Variants in LYST observed in about 807,000 individuals in gnomAD.
The protein encoded by LYST is lysosomal trafficking regulator.
Under a neutral mutation model 413.6 loss-of-function variants are expected in LYST, and 192 were observed. The observed-to-expected ratio is 0.46, with a 90% CI of 0.41 to 0.52. LYST has a LOEUF of 0.52. LYST is among the 20% of genes least tolerant of loss of function. LYST has a pLI of 0.00. For synonymous variants in LYST, 1,525 were observed against 1,567.3 expected (o/e 0.97, Z 0.64); for missense variants, 3,815 against 4,499.9 (o/e 0.85, Z 4.35).
At chr1:235,709,710 C>T (rs1468552380) in intron 43 of LYST, among the ~76,000 whole-genome samples, 1 of 150,072 alleles carries the variant, frequency 6.7e-6, no homozygotes, top group Non-Finnish European at 1.5e-5. Context: ...CATTTCTAAA[C>T]TATTGGTATT....
upstream of LYST, among the ~76,000 whole-genome samples, chr1:235,867,415 C>T (rs1358830189): frequency 2.0e-5 from 3 of 152,178 alleles, no homozygotes; most frequent in Admixed American, 2.0e-4. Context: ...ACAAGGCACC[C>T]CTAGCCTTCC....
intron 30 of LYST, 140 bp from the exon 31 acceptor site, chr1:235,741,768 T>C (rs1421620695): frequency 8.7e-6 from 6 of 692,530 alleles, no homozygotes; most frequent in Admixed American, 2.1e-5. Flanking sequence ...GAAAGAGATA[T>C]ACATATCCAT....
At chr1:235,861,990 C>G (rs951852118) in intron 1 of LYST, among the ~76,000 whole-genome samples, 2 of 152,144 alleles carry the variant, frequency 1.3e-5, no homozygotes, top group East Asian at 3.8e-4. Context: ...TATAGGAGGT[C>G]ACTGGTTTAG....
chr1:235,842,989 T>C (rs1415499917), intron 1 of LYST, among the ~76,000 whole-genome samples: 3 of 152,180 alleles, frequency 2.0e-5, no homozygotes, highest in African/African-American at 4.8e-5. Context: ...ACATATATTC[T>C]TCACTTTTAG....
chr1:235,734,345 T>C, intron 32 of LYST, 138 bp downstream of exon 32: 8 of 751,830 alleles, frequency 1.1e-5, no homozygotes, highest in African/African-American at 1.7e-5. Context: ...AAAAGCAATA[T>C]AGTATATAGG....
chr1:235,698,377 C>T (rs927512528), intron 45 of LYST, among the ~76,000 whole-genome samples: 7 of 152,224 alleles, frequency 4.6e-5, no homozygotes, highest in African/African-American at 1.7e-4. Context: ...TCTAATAATT[C>T]TGTCAGACTA....
At chr1:235,831,244 C>T (rs1675938377) in intron 2 of LYST, among the ~76,000 whole-genome samples, 1 of 152,216 alleles carries the variant, frequency 6.6e-6, no homozygotes. Context: ...GCCCTCCCCA[C>T]AGTCCCTGCT....
chr1:235,783,627 A>G (rs905825199), intron 14 of LYST, among the ~76,000 whole-genome samples: 4 of 152,174 alleles, frequency 2.6e-5, no homozygotes, highest in Non-Finnish European at 5.9e-5. Flanking sequence ...CTGCACATGT[A>G]TCCCAGAACT....
At chr1:235,792,619 T>C (rs575239134) in intron 11 of LYST, among the ~76,000 whole-genome samples, 56 of 150,752 alleles carry the variant, frequency 3.7e-4, no homozygotes, top group Non-Finnish European at 6.5e-4. Flanking sequence ...CCAGCCTTCA[T>C]TCTTAAAATA....
rs534683575 is a variant in LYST, at chr1:235,855,132, T to C, written c.-98+11711A>G. Among the ~76,000 whole-genome samples, 691 of 152,320 alleles carry C rather than the reference T, an allele frequency of 4.5e-3. 2 individuals carry two copies. The highest frequency in any genetic ancestry group is 0.014 in the Middle Eastern group (4 of 294). ...AATTAATTACTTTTCCATATGCCTC[T>C]ATCTTATCACTCACCACACTGTACT... On this transcript the variant is annotated intron_variant, in intron 1 of 52. Coordinates refer to ENST00000389793, the MANE Select transcript of LYST (RefSeq NM_000081.4).
At chr1:235,708,444 G>T (rs1662156409) in intron 44 of LYST, among the ~76,000 whole-genome samples, 2 of 152,272 alleles carry the variant, frequency 1.3e-5, no homozygotes, top group South Asian at 4.1e-4. Flanking sequence ...GTTGGCTCTT[G>T]GCTGTTGTCT....
chr1:235,806,369 A>G lies in LYST; in HGVS notation c.2767T>C (p.Ser923Pro), dbSNP rs760581656. 1.9e-6 allele frequency: 3 copies of G among 1,613,914 alleles called. No individual in the cohort carries two copies. The South Asian group carries it at 3.3e-5, about 18-fold the overall frequency. Residue 923 changes from serine to proline, a missense_variant, in exon 6 of 53, where the codon TCA (serine) becomes CCA (proline). Physicochemically the swap from Ser to Pro is moderately conservative, Grantham distance 74 (BLOSUM62 -1). Around this residue, in one of 4 missense-constraint regions of LYST, gnomAD observed 1,648 missense variants for 1,810.3 expected, o/e 0.91. Coordinates refer to ENST00000389793, the MANE Select transcript of LYST (RefSeq NM_000081.4). The part of the protein sequence containing the change: ...AESDRESAND[S>P]EDTSGYDSTA... Reference sequence around the variant, plus strand: ...CTGTCATAGCCAGAAGTATCTTCTGAGTCATTGGCCGACTCCCTGTCAGAC... The same window carrying G: ...CTGTCATAGCCAGAAGTATCTTCTGGGTCATTGGCCGACTCCCTGTCAGAC...
At chr1:235,807,091 A>C (rs1162748019) in intron 5 of LYST, among the ~76,000 whole-genome samples, 2 of 152,208 alleles carry the variant, frequency 1.3e-5, no homozygotes, top group Admixed American at 1.3e-4. Context: ...ATTCTATATA[A>C]ATTCTGAACA....
chr1:235,665,176 A>G (rs1658327984), intron 50 of LYST, among the ~76,000 whole-genome samples: 1 of 152,240 alleles, frequency 6.6e-6, no homozygotes, highest in Non-Finnish European at 1.5e-5. Context: ...CTATGTGTAC[A>G]GTAACAAGGT....
intron 14 of LYST, 151 bp from the exon 15 acceptor site, chr1:235,782,238 A>T: frequency 1.5e-6 from 1 of 649,806 alleles, no homozygotes; most frequent in South Asian, 1.9e-5. Context: ...GCACGATCTC[A>T]GCTCACTGCA....
At chr1:235,668,507 A>G (rs1404521998) in intron 50 of LYST, among the ~76,000 whole-genome samples, 1 of 152,190 alleles carries the variant, frequency 6.6e-6, no homozygotes, top group African/African-American at 2.4e-5. Context: ...CCATTACTCT[A>G]TTATATTGTG....
chr1:235,830,375 C>T lies in LYST; in HGVS notation c.43G>A (p.Asp15Asn), dbSNP rs372774380. 4.0e-5 allele frequency: 65 copies of T among 1,613,456 alleles called. No homozygotes were observed. The African/African-American group carries it at 4.4e-4, about 11-fold the overall frequency. Residue 15 changes from aspartate (D) to asparagine (N), a missense_variant, in exon 3 of 53, where the codon GAT becomes AAT. Around this residue, in one of 4 missense-constraint regions of LYST, gnomAD observed 1,648 missense variants for 1,810.3 expected, o/e 0.91. Transcript: ENST00000389793. ...ACTGCATTGCAAAGCCGGTTGACAT[C>T]GGTCAGAAATTCACGTGCCAGTGAG... ...SNSLAREFLT[D>N]VNRLCNAVVQ...
At chr1:235,698,788 G>A (rs529110980) in intron 45 of LYST, among the ~76,000 whole-genome samples, 1 of 152,076 alleles carries the variant, frequency 6.6e-6, no homozygotes, top group Non-Finnish European at 1.5e-5. Flanking sequence ...CAGGAGAATG[G>A]CATGAACCTG....
intron 28 of LYST, among the ~76,000 whole-genome samples, chr1:235,748,522 T>G (rs543189989): frequency 6.6e-5 from 10 of 152,162 alleles, no homozygotes; most frequent in Admixed American, 5.2e-4. Flanking sequence ...TGACCAGAAA[T>G]AGAAATCAAT....
Sources: allele counts gnomAD v4.1 joint callset (sites outside exome capture counted in the v4.1 genomes callset), GRCh38; gene constraint gnomAD v4.1.1; regional missense constraint gnomAD v4.1.1; transcripts MANE v1.5; gene names NCBI Gene and HGNC (gene_info 2026-07-23, HGNC 2026-07-21).